The following CTNNA1 variants were observed in gnomAD, a reference collection of about 807,000 sequenced individuals.
CTNNA1 encodes the protein catenin alpha 1, also known as catenin alpha-1.
A neutral mutation model predicts 98.4 loss-of-function variants in CTNNA1; 37 were observed. The ratio of observed to expected loss-of-function variants is 0.38; its 90% CI spans 0.29 to 0.49. CTNNA1 has a LOEUF of 0.49. CTNNA1 is among the 20% of genes least tolerant of loss of function. The probability of loss-of-function intolerance (pLI) is 0.95; values close to 1 mark genes in which losing one functional copy is unlikely to be tolerated. For missense variants in CTNNA1, 761 were observed against 1,147.2 expected (o/e 0.66, Z 4.86); for synonymous variants, 404 against 413.2 (o/e 0.98, Z 0.27).
At chr5:138,812,161 T>C in intron 4 of CTNNA1, 22 bp from the exon 5 acceptor site, 2 of 1,606,596 alleles carry the variant, frequency 1.2e-6, no homozygotes, top group African/African-American at 1.3e-5. Flanking sequence ...TTTTGGGTTT[T>C]GGGGTCTTTC....
chr5:138,837,076 C>T (rs1013701891), intron 7 of CTNNA1, among the ~76,000 whole-genome samples: 37 of 152,166 alleles, frequency 2.4e-4, no homozygotes, highest in East Asian at 1.4e-3. Flanking sequence ...TATGTTGATT[C>T]GTCCTTTCGA....
chr5:138,816,706 C>CTT (rs997403216), intron 5 of CTNNA1, among the ~76,000 whole-genome samples: 18 of 144,166 alleles, frequency 1.2e-4, no homozygotes, highest in African/African-American at 2.3e-4. Flanking sequence ...GCTCATTTGT[C>CTT]TTTTTTTTTT....
intron 1 of CTNNA1, among the ~76,000 whole-genome samples, chr5:138,763,680 A>C (rs532179431): frequency 1.3e-5 from 2 of 152,212 alleles, no homozygotes; most frequent in African/African-American, 4.8e-5. Flanking sequence ...TGGTTTGTGA[A>C]ATATGATGGT....
At chr5:138,772,644 A>G (rs1753672338) in intron 1 of CTNNA1, among the ~76,000 whole-genome samples, 1 of 152,218 alleles carries the variant, frequency 6.6e-6, no homozygotes, top group South Asian at 2.1e-4. Flanking sequence ...ATATAAAGAA[A>G]CATAGGCATG....
intron 7 of CTNNA1, among the ~76,000 whole-genome samples, chr5:138,862,491 A>AT (rs1764382069): frequency 6.6e-6 from 1 of 152,198 alleles, no homozygotes; most frequent in African/African-American, 2.4e-5. Context: ...ATGATAATGG[A>AT]TAGTACTTGT....
chr5:138,773,420 G>A (rs1025284182), intron 1 of CTNNA1, among the ~76,000 whole-genome samples: 9 of 152,186 alleles, frequency 5.9e-5, no homozygotes, highest in Non-Finnish European at 1.2e-4. Context: ...ACACAGATGA[G>A]GCAGTGTCTT....
intron 7 of CTNNA1, among the ~76,000 whole-genome samples, chr5:138,882,445 A>T (rs559796353): frequency 6.6e-6 from 1 of 152,300 alleles, no homozygotes; most frequent in African/African-American, 2.4e-5. Context: ...AAGAAGGAGA[A>T]AAGAAAGCCT....
rs188627968 is a variant in CTNNA1, at chr5:138,832,787, A to C, written c.1062+5069A>C. Among the ~76,000 whole-genome samples the C allele has an allele frequency of 6.6e-5, 10 of 152,352 alleles. No individual in the cohort carries two copies. The East Asian group carries it at 1.5e-3, about 23-fold the overall frequency. On this transcript the variant is annotated intron_variant, in intron 7 of 17. Coordinates refer to ENST00000302763, the MANE Select transcript of CTNNA1 (RefSeq NM_001903.5). Reference sequence around the variant, plus strand: ...TTTCAGACTATTAAGTTAATGGGTTAAAACAGTCTGCTGTCTGGTTAATGG... The same window carrying C: ...TTTCAGACTATTAAGTTAATGGGTTCAAACAGTCTGCTGTCTGGTTAATGG...
At chr5:138,842,346 CTA>C (rs1187811592) in intron 7 of CTNNA1, among the ~76,000 whole-genome samples, 2 of 152,174 alleles carry the variant, frequency 1.3e-5, no homozygotes, top group African/African-American at 4.8e-5. Context: ...TAAGCTCATA[CTA>C]ATAAACACAC....
chr5:138,833,267 G>A (rs1761457249), intron 7 of CTNNA1, among the ~76,000 whole-genome samples: 1 of 152,184 alleles, frequency 6.6e-6, no homozygotes, highest in African/African-American at 2.4e-5. Context: ...TGGCGTTAGG[G>A]CTTATAATTG....
intron 7 of CTNNA1, among the ~76,000 whole-genome samples, chr5:138,884,963 G>A (rs1047439949): frequency 6.6e-6 from 1 of 152,118 alleles, no homozygotes; most frequent in East Asian, 1.9e-4. Flanking sequence ...AGGGGGAAAG[G>A]CTTAAGGAAT....
Position 138,873,351 on chromosome 5 carries a change from C to T in CTNNA1, c.1063-12861C>T, listed in dbSNP as rs200085138. The T allele has an allele frequency of 3.8e-5, 62 of 1,613,934 alleles. No individual in the cohort carries two copies. The highest frequency in any genetic ancestry group is 1.5e-4 in the Admixed American group (9 of 60,012). On this transcript the variant is annotated intron_variant, in intron 7 of 17. Transcript: ENST00000302763. This position sits in a 1 kb window ranked among gnomAD's most constrained non-coding sequence, Gnocchi z 6.1. ...GGAAAGTGTTCCTCGGTAGTAACTGCTATGCCTGCAGTAGTTGGGATTTCT... is the reference window on the plus strand; with the variant it reads ...GGAAAGTGTTCCTCGGTAGTAACTGTTATGCCTGCAGTAGTTGGGATTTCT...
intron 10 of CTNNA1, among the ~76,000 whole-genome samples, chr5:138,905,828 A>G (rs945109457): frequency 6.6e-6 from 1 of 152,214 alleles, no homozygotes; most frequent in Non-Finnish European, 1.5e-5. Context: ...TTTCCTCTCC[A>G]CTTTCCCATG....
At chr5:138,848,168 T>TG (rs11388766) in intron 7 of CTNNA1, among the ~76,000 whole-genome samples, 112,458 of 152,076 alleles carry the variant, frequency 0.74, 41,823 homozygotes, top group East Asian at 0.99. Context: ...ACTGTTCTAG[T>TG]CTTGACAGCT....
intron 9 of CTNNA1, among the ~76,000 whole-genome samples, chr5:138,890,014 G>T (rs1755007027): frequency 6.6e-6 from 1 of 152,090 alleles, no homozygotes. Context: ...TTTAAGCAAA[G>T]GTAAAATATT....
In CTNNA1 at chr5:138,924,715, G is replaced by A. The variant is rs377182398; in HGVS notation, c.1747+5G>A. The stretch of plus-strand genomic sequence containing the variant: ...CTAAGCTGCTCTCCAACACAGGTAC[G>A]GGAACTCTCCCTTTCCAGTGCTCGC... On this transcript the variant is annotated splice_donor_5th_base_variant and intron_variant, in intron 12 of 17. Coordinates refer to ENST00000302763, the MANE Select transcript of CTNNA1 (RefSeq NM_001903.5). 20 of 1,560,710 alleles carry A rather than the reference G, an allele frequency of 1.3e-5. No individual in the cohort carries two copies. The highest frequency in any genetic ancestry group is 1.6e-5 in the Non-Finnish European group (18 of 1,152,372).
At chr5:138,902,610 G>A (rs1758307602) in intron 9 of CTNNA1, among the ~76,000 whole-genome samples, 1 of 152,102 alleles carries the variant, frequency 6.6e-6, no homozygotes, top group South Asian at 2.1e-4. Flanking sequence ...TAGTAGAGAC[G>A]GGGTTTCACC....
rs375851786 is a variant in CTNNA1 at position 138,874,944 on chromosome 5, G to T, written c.1063-11268G>T. On this transcript the variant is annotated intron_variant, in intron 7 of 17. Coordinates refer to ENST00000302763, the MANE Select transcript of CTNNA1 (RefSeq NM_001903.5). This position sits in a 1 kb window ranked among gnomAD's most constrained non-coding sequence, Gnocchi z 4.1. ...AGCACATTGGAGGCTGCATTCAGTC[G>T]CGGTTGTTAGACTCAACGCAGTGAG... The T allele has an allele frequency of 6.2e-7, 1 of 1,612,866 alleles. No individual in the cohort carries two copies. The highest frequency in any genetic ancestry group is 8.5e-7 in the Non-Finnish European group (1 of 1,179,338).
chr5:138,817,318 A>G (rs1257415617), intron 5 of CTNNA1, among the ~76,000 whole-genome samples: 1 of 152,076 alleles, frequency 6.6e-6, no homozygotes, highest in Non-Finnish European at 1.5e-5. Flanking sequence ...CTGTCTTTAG[A>G]ATTTTATCTT....
Sources: gnomAD v4.1 joint callset for allele counts (sites outside exome capture counted in the v4.1 genomes callset) on GRCh38, gnomAD v4.1.1 for gene constraint, Gnocchi (gnomAD v3.1) non-coding constraint, MANE v1.5 for transcripts, NCBI Gene and HGNC (gene_info 2026-07-23, HGNC 2026-07-21) for gene names.